The following RAB2A variants were observed in gnomAD, a reference collection of about 807,000 sequenced individuals.
The protein encoded by RAB2A is ras-related protein Rab-2A.
In RAB2A, 7 loss-of-function variants were observed where a neutral mutation model predicts 32.5. That is an observed-to-expected ratio of 0.22 (90% CI 0.12 to 0.40). RAB2A has a LOEUF of 0.40. RAB2A is among the 10% of genes least tolerant of loss of function. The probability of loss-of-function intolerance (pLI) is 1.00; values close to 1 mark genes in which losing one functional copy is unlikely to be tolerated. For missense variants in RAB2A, 108 were observed against 260.7 expected (o/e 0.41, Z 4.03); for synonymous variants, 79 against 85.2 (o/e 0.93, Z 0.40).
intron 1 of RAB2A, among the ~76,000 whole-genome samples, chr8:60,526,050 T>TAC: frequency 7.7e-6 from 1 of 129,648 alleles, no homozygotes; most frequent in Non-Finnish European, 1.6e-5. Flanking sequence ...TATATATATA[T>TAC]ATATATAAGT....
At chr8:60,566,707 C>A (rs910812989) in intron 2 of RAB2A, among the ~76,000 whole-genome samples, 6 of 152,060 alleles carry the variant, frequency 3.9e-5, no homozygotes, top group African/African-American at 1.4e-4. Flanking sequence ...ACCCGTTAAC[C>A]CAAATAGTGA....
intron 6 of RAB2A, among the ~76,000 whole-genome samples, chr8:60,616,716 C>T (rs919107681): frequency 2.6e-5 from 4 of 152,202 alleles, no homozygotes; most frequent in Non-Finnish European, 4.4e-5. Flanking sequence ...TCATGACCCT[C>T]TGTGATGATT....
At chr8:60,581,111 A>G (rs1366867697) in intron 3 of RAB2A, among the ~76,000 whole-genome samples, 1 of 152,210 alleles carries the variant, frequency 6.6e-6, no homozygotes, top group Non-Finnish European at 1.5e-5. Flanking sequence ...TATATATACT[A>G]GTTTTTCGAT....
intron 5 of RAB2A, among the ~76,000 whole-genome samples, chr8:60,588,573 A>G (rs1191035909): frequency 6.6e-6 from 1 of 152,246 alleles, no homozygotes; most frequent in Admixed American, 6.5e-5. Context: ...GAAAAAACTC[A>G]GACCAAAAAT....
At chr8:60,548,977 A>G (rs1354847416) in intron 1 of RAB2A, among the ~76,000 whole-genome samples, 4 of 149,448 alleles carry the variant, frequency 2.7e-5, no homozygotes, top group African/African-American at 5.0e-5. Flanking sequence ...GCGGCAGGGC[A>G]GAGACGCTCC....
At chr8:60,582,284 AGC>A in intron 3 of RAB2A, among the ~76,000 whole-genome samples, 1 of 152,268 alleles carries the variant, frequency 6.6e-6, no homozygotes, top group East Asian at 1.9e-4. Context: ...CTATTTTTAT[AGC>A]CCTTTTGTGT....
intron 2 of RAB2A, among the ~76,000 whole-genome samples, chr8:60,568,898 A>T (rs1808156499): frequency 6.6e-6 from 1 of 152,192 alleles, no homozygotes; most frequent in Admixed American, 6.5e-5. Context: ...AGGAGAAGGA[A>T]ACCTTTCTAA....
At chr8:60,556,323 C>T (rs1807937708) in intron 1 of RAB2A, among the ~76,000 whole-genome samples, 1 of 151,976 alleles carries the variant, frequency 6.6e-6, no homozygotes, top group South Asian at 2.1e-4. Flanking sequence ...TTAATAATTT[C>T]TTGTATATTT....
Position 60,618,654 on chromosome 8 carries a change from T to G in RAB2A, c.543+6T>G. The G allele has an allele frequency of 2.0e-6, 2 of 1,017,096 alleles. No individual in the cohort carries two copies. The highest frequency in any genetic ancestry group is 2.6e-6 in the Non-Finnish European group (2 of 757,554). The allele number at this position is 1,017,096 out of a possible 1,614,324, so 63.0% of individuals were successfully genotyped here. A position where few individuals can be genotyped will look rare whatever the true frequency, so the allele number is the denominator to read the frequency against. Reference sequence around the variant, plus strand: ...TCTTTGACATTAATAATGAGGTATATACATATAAATATTGTTGGTCAATAT... The same window carrying G: ...TCTTTGACATTAATAATGAGGTATAGACATATAAATATTGTTGGTCAATAT... On this transcript the variant is annotated splice_donor_region_variant and intron_variant, in intron 7 of 7. Coordinates refer to ENST00000262646, the MANE Select transcript of RAB2A (RefSeq NM_002865.3).
chr8:60,596,900 G>A (rs564975164), intron 6 of RAB2A, among the ~76,000 whole-genome samples: 263 of 152,150 alleles, frequency 1.7e-3, no homozygotes, highest in African/African-American at 5.7e-3. Flanking sequence ...CAGCCTCGGC[G>A]ACAGAGTGAG....
At chr8:60,576,295 GAGGT>G (rs1803628243) in intron 3 of RAB2A, 1 of 456,182 alleles carries the variant, frequency 2.2e-6, no homozygotes, top group Admixed American at 2.3e-5. Context: ...AAAAAAGGCA[GAGGT>G]ATGTTCTCAC....
intron 1 of RAB2A, among the ~76,000 whole-genome samples, chr8:60,550,347 G>A (rs890925062): frequency 4.6e-5 from 7 of 151,338 alleles, no homozygotes; most frequent in African/African-American, 1.7e-4. Flanking sequence ...ACCATTTCTA[G>A]CCTTATTGAG....
chr8:60,596,908 G>C (rs2875975), intron 6 of RAB2A, among the ~76,000 whole-genome samples: 2 of 152,052 alleles, frequency 1.3e-5, no homozygotes, highest in Admixed American at 6.5e-5. Context: ...GCGACAGAGT[G>C]AGACTCTGTC....
At chr8:60,595,743 G>C (rs1804011297) in intron 6 of RAB2A, among the ~76,000 whole-genome samples, 1 of 152,170 alleles carries the variant, frequency 6.6e-6, no homozygotes, top group Non-Finnish European at 1.5e-5. Flanking sequence ...ACTGCGAGGA[G>C]AAATAGAGAA....
In RAB2A at chr8:60,517,225, C is replaced by T; in HGVS notation, c.18C>T (p.Leu6=). 1 of 1,491,670 alleles carries T rather than the reference C, an allele frequency of 6.7e-7. No individual in the cohort carries two copies. Among genetic ancestry groups the T allele is most frequent in the East Asian group, 3.0e-5 (1 of 33,500 alleles). The allele number at this position is 1,491,670 out of a possible 1,614,324, so 92.4% of individuals were successfully genotyped here. The change falls in exon 1 of 8, where the codon CTC becomes CTT. Residue 6 remains leucine (L), a synonymous_variant. Transcript: ENST00000262646. The part of the protein sequence containing the change: MAYAY[L]FKYIIIGDTG... ...CCGCGGCCATGGCGTACGCCTATCTCTTCAAGTACATCATAATCGGCGACA... is the reference window on the plus strand; with the variant it reads ...CCGCGGCCATGGCGTACGCCTATCTTTTCAAGTACATCATAATCGGCGACA...
intron 1 of RAB2A, among the ~76,000 whole-genome samples, chr8:60,536,322 AAG>A (rs1372434023): frequency 6.6e-6 from 1 of 152,212 alleles, no homozygotes; most frequent in Admixed American, 6.5e-5. Context: ...TCAATTGCAC[AAG>A]AGTTTTTCTG....
rs1803838912 is a variant in RAB2A at position 60,585,966 on chromosome 8, T to G, written c.362+1151T>G. Among the ~76,000 whole-genome samples the G allele has an allele frequency of 3.3e-5, 5 of 152,174 alleles. No homozygotes were observed. The South Asian group carries it at 1.0e-3, about 31-fold the overall frequency. ...TCTCTCTGCAGTCTTTGAAAATGTG[T>G]GAGATGCAGTTAAAATAGTACTATC... On this transcript the variant is annotated intron_variant, in intron 5 of 7. Coordinates refer to ENST00000262646, the MANE Select transcript of RAB2A (RefSeq NM_002865.3).
intron 6 of RAB2A, among the ~76,000 whole-genome samples, chr8:60,598,784 A>G (rs1463800514): frequency 6.6e-6 from 1 of 151,920 alleles, no homozygotes; most frequent in Non-Finnish European, 1.5e-5. Context: ...GTTAAAGAGC[A>G]CGTGAACACA....
intron 1 of RAB2A, among the ~76,000 whole-genome samples, chr8:60,533,028 A>G (rs1437746184): frequency 1.3e-5 from 2 of 152,272 alleles, no homozygotes; most frequent in African/African-American, 4.8e-5. Context: ...ATGATTGGCC[A>G]AATTTTAGCA....
Sources: gnomAD v4.1 joint callset for allele counts (sites outside exome capture counted in the v4.1 genomes callset) on GRCh38, gnomAD v4.1.1 for gene constraint, MANE v1.5 for transcripts, NCBI Gene and HGNC (gene_info 2026-07-23, HGNC 2026-07-21) for gene names.